The following CARF variants were observed in gnomAD, a reference collection of about 807,000 sequenced individuals.
The protein encoded by CARF is calcium-responsive transcription factor.
CARF carries 57 observed loss-of-function variants against 82.0 expected under a neutral mutation model. That is an observed-to-expected ratio of 0.70 (90% CI 0.56 to 0.87). CARF has a LOEUF of 0.87. Among genes scored for constraint, CARF ranks in the 40% least tolerant of loss-of-function variants. The pLI, the probability that CARF is intolerant of heterozygous loss-of-function variation, is 0.00. For missense variants in CARF, 771 were observed against 855.8 expected (o/e 0.90, Z 1.24); for synonymous variants, 268 against 290.1 (o/e 0.92, Z 0.77).
chr2:202,925,065 C>T, intron 3 of CARF: 1 of 415,190 alleles, frequency 2.4e-6, no homozygotes, highest in Admixed American at 2.5e-5. Flanking sequence ...TGTTTGAGAG[C>T]TACATCAACA....
chr2:202,960,402 G>A (rs893549511), intron 8 of CARF, among the ~76,000 whole-genome samples: 13 of 151,854 alleles, frequency 8.6e-5, no homozygotes, highest in East Asian at 1.9e-4. Flanking sequence ...GGCAAGTGCC[G>A]CCACGCCCAG....
At chr2:202,953,498 G>A (rs374147358) in intron 6 of CARF, among the ~76,000 whole-genome samples, 2 of 70,286 alleles carry the variant, frequency 2.8e-5, no homozygotes, top group African/African-American at 1.1e-4. Flanking sequence ...TTTTTTTGTT[G>A]TTTTTTTTTT....
chr2:202,969,123 C>G (rs1050078267), intron 10 of CARF, among the ~76,000 whole-genome samples: 1 of 152,114 alleles, frequency 6.6e-6, no homozygotes, highest in Non-Finnish European at 1.5e-5. Context: ...AACCCCGTCT[C>G]TACTAAAAAT....
chr2:202,916,981 C>T (rs1392043869), intron 1 of CARF, among the ~76,000 whole-genome samples: 2 of 151,998 alleles, frequency 1.3e-5, no homozygotes, highest in Admixed American at 6.6e-5. Context: ...GAGGCCGAGG[C>T]GGGCGGATCA....
At position 202,949,756 on chromosome 2, in the gene CARF, G is replaced by A. The variant is rs151318892; in HGVS notation, c.307-2803G>A. Among the ~76,000 whole-genome samples the A allele has an allele frequency of 7.1e-3, 1,079 of 151,934 alleles. 15 individuals are homozygous for A. The highest frequency in any genetic ancestry group is 0.026 in the African/African-American group (1,058 of 41,448). On this transcript the variant is annotated intron_variant, in intron 5 of 16. Transcript: ENST00000438828. ...AGTAGAGACGGGTTTCATCATGTTG[G>A]CTAGGCTAGTCTCAAACTCCTGACC... is the stretch of plus-strand genomic sequence containing the variant.
chr2:202,964,208 G>A (rs1190714410), intron 9 of CARF, among the ~76,000 whole-genome samples: 2 of 152,152 alleles, frequency 1.3e-5, no homozygotes, highest in African/African-American at 2.4e-5. Flanking sequence ...TGTCAGCAGT[G>A]TGTGAAAATT....
chr2:202,977,301 C>CA lies in CARF; in HGVS notation c.1530dup (p.Glu511ArgfsTer33). 6.2e-7 allele frequency: 1 copy of CA among 1,612,528 alleles called. No homozygotes were observed. Among genetic ancestry groups the CA allele is most frequent in the Non-Finnish European group, 8.5e-7 (1 of 1,179,056 alleles). ...GGACTACAGACAGTGGGAATATTCT[C>CA]AAAGAGACCATGACAGTTACATTTG... is the stretch of plus-strand genomic sequence containing the variant. On this transcript the variant is annotated frameshift_variant, in exon 14 of 17. Coordinates refer to ENST00000438828, the MANE Select transcript of CARF (RefSeq NM_024744.17). LOFTEE classifies it high-confidence loss of function.
intron 6 of CARF, among the ~76,000 whole-genome samples, chr2:202,953,276 A>G (rs1399778015): frequency 6.6e-6 from 1 of 152,140 alleles, no homozygotes; most frequent in South Asian, 2.1e-4. Context: ...TCCGCCTCCC[A>G]AAGTGCTGGG....
At chr2:202,935,238 T>C (rs1049264061) in intron 3 of CARF, among the ~76,000 whole-genome samples, 2 of 143,462 alleles carry the variant, frequency 1.4e-5, no homozygotes, top group African/African-American at 5.1e-5. Flanking sequence ...ATATATATAT[T>C]ATATATTTGT....
chr2:202,937,611 T>C (rs1023958611), intron 3 of CARF, among the ~76,000 whole-genome samples: 2 of 152,078 alleles, frequency 1.3e-5, no homozygotes, highest in African/African-American at 4.8e-5. Context: ...CTGTTCCTTT[T>C]TTTTGTTATT....
At chr2:202,923,202 A>G (rs1269948051) in intron 2 of CARF, among the ~76,000 whole-genome samples, 2 of 152,194 alleles carry the variant, frequency 1.3e-5, no homozygotes, top group Admixed American at 6.5e-5. Flanking sequence ...GATCACGGCC[A>G]TTGCACTCCA....
At chr2:202,927,568 T>C (rs1692086655) in intron 3 of CARF, among the ~76,000 whole-genome samples, 1 of 151,976 alleles carries the variant, frequency 6.6e-6, no homozygotes, top group Non-Finnish European at 1.5e-5. Flanking sequence ...AATTGACACA[T>C]AATTGTATAA....
intron 3 of CARF, chr2:202,925,398 C>T: frequency 3.5e-6 from 1 of 289,514 alleles, no homozygotes. Context: ...GCCACTCCCT[C>T]GATTTAAATG....
chr2:202,937,251 A>G (rs1694093884), intron 3 of CARF, among the ~76,000 whole-genome samples: 1 of 152,182 alleles, frequency 6.6e-6, no homozygotes, highest in Admixed American at 6.5e-5. Flanking sequence ...ATTATCTATC[A>G]TCACACCCTG....
intron 1 of CARF, among the ~76,000 whole-genome samples, chr2:202,917,054 CA>C (rs1252906103): frequency 6.6e-6 from 1 of 151,358 alleles, no homozygotes; most frequent in Non-Finnish European, 1.5e-5. Flanking sequence ...ACTGAAAATA[CA>C]AAAAAATTAG....
chr2:202,954,325 G>T (rs2058923251), intron 7 of CARF, among the ~76,000 whole-genome samples, 191 bp downstream of exon 7: 1 of 152,168 alleles, frequency 6.6e-6, no homozygotes, highest in Non-Finnish European at 1.5e-5. Flanking sequence ...AATGTCAAAA[G>T]TGCCACTTTT....
intron 5 of CARF, among the ~76,000 whole-genome samples, chr2:202,947,241 G>C (rs1235322597): frequency 6.6e-6 from 1 of 152,120 alleles, no homozygotes; most frequent in East Asian, 1.9e-4. Flanking sequence ...GCCCATCAAT[G>C]ATAGACTGGA....
At position 202,970,050 on chromosome 2, in the gene CARF, G is replaced by A. The variant is rs755490880; in HGVS notation, c.1085G>A (p.Gly362Asp). The A allele has an allele frequency of 1.9e-6, 3 of 1,568,506 alleles. No homozygotes were observed. The highest frequency in any genetic ancestry group is 1.2e-5 in the South Asian group (1 of 81,076). The change falls in exon 11 of 17, where the codon GGT (glycine) becomes GAT (aspartate). Residue 362 changes from glycine to aspartate, a missense_variant. Gly to Asp is a moderately conservative substitution (Grantham distance 94, BLOSUM62 -1). Transcript: ENST00000438828. Reference sequence around the variant, plus strand: ...CTAAAGAAGAACTTGGTAGATGCTGGTGGTGTTCTTAGGTATGACATTTTT... The same window carrying A: ...CTAAAGAAGAACTTGGTAGATGCTGATGGTGTTCTTAGGTATGACATTTTT... Reference protein sequence around the residue: ...NMLKKNLVDAGGVLRWYVQLP... With the variant: ...NMLKKNLVDADGVLRWYVQLP...
intron 5 of CARF, among the ~76,000 whole-genome samples, chr2:202,948,537 T>C (rs1003407964): frequency 1.2e-4 from 19 of 152,178 alleles, no homozygotes; most frequent in African/African-American, 3.9e-4. Flanking sequence ...ATTTGAGCAG[T>C]CTTTTGTAAT....
Sources: allele counts gnomAD v4.1 joint callset (sites outside exome capture counted in the v4.1 genomes callset), GRCh38; gene constraint gnomAD v4.1.1; transcripts MANE v1.5; gene names NCBI Gene and HGNC (gene_info 2026-07-23, HGNC 2026-07-21).